The following SLC35F1 variants were observed in gnomAD, a reference collection of about 807,000 sequenced individuals.
SLC35F1 encodes the protein solute carrier family 35 member F1.
In SLC35F1, 14 loss-of-function variants were observed where a neutral mutation model predicts 48.7. The observed-to-expected ratio is 0.29, with a 90% confidence interval of 0.19 to 0.45. The LOEUF is 0.45. SLC35F1 is among the 20% of genes least tolerant of loss of function. The probability of loss-of-function intolerance (pLI) is 1.00; values close to 1 mark genes in which losing one functional copy is unlikely to be tolerated. For missense variants in SLC35F1, 404 were observed against 500.0 expected, an observed-to-expected ratio of 0.81 and a Z score of 1.83; for synonymous variants, 190 against 202.2, an observed-to-expected ratio of 0.94 and a Z score of 0.51.
chr6:117,992,958 A>T (rs1473367824), intron 1 of SLC35F1, among the ~76,000 whole-genome samples: 1 of 152,240 alleles, frequency 6.6e-6, no homozygotes, highest in East Asian at 1.9e-4. Flanking sequence ...TTATTCATCC[A>T]TAAAAGCTTG....
At chr6:118,232,751 C>T (rs958861558) in intron 2 of SLC35F1, among the ~76,000 whole-genome samples, 3 of 151,838 alleles carry the variant, frequency 2.0e-5, no homozygotes, top group African/African-American at 4.8e-5. Flanking sequence ...TACTTTGGGC[C>T]AAATGTTCAG....
intron 2 of SLC35F1, among the ~76,000 whole-genome samples, chr6:118,216,922 G>A (rs1215009100): frequency 6.6e-6 from 1 of 152,128 alleles, no homozygotes; most frequent in African/African-American, 2.4e-5. Context: ...TTCACATAGA[G>A]TGGCCTTAAG....
chr6:118,241,069 A>C (rs1775433816), intron 3 of SLC35F1, among the ~76,000 whole-genome samples: 1 of 152,188 alleles, frequency 6.6e-6, no homozygotes, highest in African/African-American at 2.4e-5. Context: ...TCTAAAGGGA[A>C]TAGAGGAAGT....
At chr6:118,249,641 G>C (rs1380439551) in intron 3 of SLC35F1, among the ~76,000 whole-genome samples, 4 of 152,200 alleles carry the variant, frequency 2.6e-5, no homozygotes, top group Non-Finnish European at 4.4e-5. Context: ...GCTGCTTTTT[G>C]ACTGAAGGGT....
At chr6:118,265,223 A>G (rs911297126) in intron 3 of SLC35F1, among the ~76,000 whole-genome samples, 2 of 152,240 alleles carry the variant, frequency 1.3e-5, no homozygotes, top group African/African-American at 4.8e-5. Flanking sequence ...TCTGATGTTC[A>G]GGGATGCTTT....
intron 2 of SLC35F1, among the ~76,000 whole-genome samples, chr6:118,226,544 T>G (rs1393962141): frequency 6.6e-6 from 1 of 151,882 alleles, no homozygotes; most frequent in African/African-American, 2.4e-5. Flanking sequence ...AATGAAATCC[T>G]ATCATTTGCA....
chr6:118,295,216 G>A (rs1323477780), intron 7 of SLC35F1, among the ~76,000 whole-genome samples: 1 of 151,890 alleles, frequency 6.6e-6, no homozygotes, highest in Admixed American at 6.6e-5. Flanking sequence ...TGGACCTGAG[G>A]TCATTATAAT....
chr6:117,948,254 T>TA (rs1178131184), intron 1 of SLC35F1, among the ~76,000 whole-genome samples: 2 of 152,182 alleles, frequency 1.3e-5, no homozygotes, highest in African/African-American at 4.8e-5. Flanking sequence ...TCATTTTTTT[T>TA]ACAGTACTTA....
At chr6:118,079,325 TC>T (rs1412660066) in intron 1 of SLC35F1, among the ~76,000 whole-genome samples, 1 of 152,228 alleles carries the variant, frequency 6.6e-6, no homozygotes, top group Non-Finnish European at 1.5e-5. Context: ...TCTTCAAAAC[TC>T]ATCTGTATAG....
At chr6:118,204,674 TAACA>T (rs1423252131) in intron 2 of SLC35F1, among the ~76,000 whole-genome samples, 1 of 152,154 alleles carries the variant, frequency 6.6e-6, no homozygotes, top group Non-Finnish European at 1.5e-5. Flanking sequence ...TATTGAAGTA[TAACA>T]AACAGAGAGA....
intron 1 of SLC35F1, among the ~76,000 whole-genome samples, chr6:118,152,706 CCACAT>C (rs1305623269): frequency 5.3e-5 from 8 of 151,712 alleles, no homozygotes; most frequent in Non-Finnish European, 1.2e-4. Context: ...ATCCCCTCCC[CCACAT>C]TCTGTTGGTC....
intron 1 of SLC35F1, among the ~76,000 whole-genome samples, chr6:117,945,883 G>A (rs1032613367): frequency 1.3e-5 from 2 of 152,104 alleles, no homozygotes; most frequent in East Asian, 3.9e-4. Context: ...GATGGGTCTC[G>A]GAAGATCTTA....
chr6:118,286,376 A>G (rs564280919), intron 7 of SLC35F1, among the ~76,000 whole-genome samples: 6 of 152,300 alleles, frequency 3.9e-5, no homozygotes, highest in African/African-American at 1.4e-4. Flanking sequence ...CTGGAGCAAC[A>G]ATAAGCTAAA....
At chr6:118,185,270 T>C (rs1386220137) in intron 2 of SLC35F1, among the ~76,000 whole-genome samples, 1 of 152,184 alleles carries the variant, frequency 6.6e-6, no homozygotes. Flanking sequence ...CTGCATTTAC[T>C]GGAAAATCCT....
intron 1 of SLC35F1, among the ~76,000 whole-genome samples, chr6:118,092,155 T>G (rs1357786124): frequency 6.6e-6 from 1 of 151,928 alleles, no homozygotes; most frequent in Non-Finnish European, 1.5e-5. Flanking sequence ...ACCAAGACAG[T>G]GTGAAATATG....
intron 1 of SLC35F1, among the ~76,000 whole-genome samples, chr6:117,923,731 G>A (rs1374090149): frequency 1.4e-5 from 1 of 70,012 alleles, no homozygotes; most frequent in Non-Finnish European, 2.9e-5. Context: ...ATATACATAT[G>A]TATATATACA....
At chr6:117,938,993 G>A (rs79189746) in intron 1 of SLC35F1, among the ~76,000 whole-genome samples, 4,362 of 147,310 alleles carry the variant, frequency 0.03, 100 homozygotes, top group African/African-American at 0.061. Context: ...GCCTGTATGT[G>A]CTTGAATTCT....
At chr6:118,089,593 A>G (rs1394213209) in intron 1 of SLC35F1, among the ~76,000 whole-genome samples, 1 of 152,210 alleles carries the variant, frequency 6.6e-6, no homozygotes, top group African/African-American at 2.4e-5. Flanking sequence ...AGATTCTCCA[A>G]GCTAAAAAAC....
At chr6:118,253,081 G>C (rs1775596908) in intron 3 of SLC35F1, among the ~76,000 whole-genome samples, 1 of 152,134 alleles carries the variant, frequency 6.6e-6, no homozygotes, top group South Asian at 2.1e-4. Flanking sequence ...GGTACTTTTG[G>C]AAGTCCTCAG....
Sources: allele counts gnomAD v4.1 joint callset (sites outside exome capture counted in the v4.1 genomes callset), GRCh38; gene constraint gnomAD v4.1.1; transcripts MANE v1.5; gene names NCBI Gene and HGNC (gene_info 2026-07-23, HGNC 2026-07-21).